Variants in TNFAIP8 observed in about 807,000 individuals in gnomAD.
The protein encoded by TNFAIP8 is tumor necrosis factor alpha-induced protein 8.
In TNFAIP8, 7 loss-of-function variants were observed where a neutral mutation model predicts 13.3. The ratio of observed to expected loss-of-function variants is 0.52; its 90% confidence interval spans 0.30 to 0.99. TNFAIP8 has a LOEUF of 0.99. Among genes scored for constraint, TNFAIP8 ranks in the 50% least tolerant of loss-of-function variants. The probability of loss-of-function intolerance (pLI) is 0.07; values close to 1 mark genes in which losing one functional copy is unlikely to be tolerated. For missense variants in TNFAIP8, 258 were observed against 236.9 expected (o/e 1.09, Z -0.58); for synonymous variants, 94 against 87.6 (o/e 1.07, Z -0.41).
intron 1 of TNFAIP8, among the ~76,000 whole-genome samples, chr5:119,323,027 G>C (rs190520579): frequency 2.9e-4 from 44 of 152,228 alleles, no homozygotes; most frequent in African/African-American, 1.1e-3. Context: ...TTACCCCTAT[G>C]CCCAATCAGT....
At chr5:119,335,298 G>A (rs544361582) in intron 1 of TNFAIP8, among the ~76,000 whole-genome samples, 13 of 152,186 alleles carry the variant, frequency 8.5e-5, no homozygotes, top group African/African-American at 2.7e-4. Flanking sequence ...GAACGAGAGA[G>A]AGGAGGTGAG....
At chr5:119,327,393 A>C (rs1477793483) in intron 1 of TNFAIP8, among the ~76,000 whole-genome samples, 1 of 152,180 alleles carries the variant, frequency 6.6e-6, no homozygotes, top group Non-Finnish European at 1.5e-5. Context: ...TCAAAAGGAA[A>C]ATACTCAAGA....
At chr5:119,351,485 A>T (rs1751141594), upstream of TNFAIP8, among the ~76,000 whole-genome samples, 1 of 152,222 alleles carries the variant, frequency 6.6e-6, no homozygotes, top group East Asian at 1.9e-4. Context: ...GTACTAGATA[A>T]TTTAGCCTAA....
chr5:119,362,851 G>T (rs1383794889), intron 1 of TNFAIP8, among the ~76,000 whole-genome samples: 2 of 152,044 alleles, frequency 1.3e-5, no homozygotes, highest in African/African-American at 2.4e-5. Context: ...GAGGGCAGAT[G>T]CAAAGTAGTG....
rs543474224 is a variant in TNFAIP8 at position 119,297,789 on chromosome 5, C to T, written c.1+28882C>T. Among the ~76,000 whole-genome samples the T allele has an allele frequency of 1.4e-4, 22 of 152,238 alleles. No individual in the cohort carries two copies. The South Asian group carries it at 4.6e-3, about 32-fold the overall frequency. ...GACTTGCTTTATGAATGTGGGTGCT[C>T]CTGTATTGGGCACATATATATTTAG... On this transcript the variant is annotated intron_variant, in intron 1 of 1. Transcript: ENST00000274456.
In TNFAIP8 at chr5:119,394,900, C is replaced by T. The variant is rs78350290; in HGVS notation, c.*1519C>T. 8,287 of 152,090 alleles carry T rather than the reference C, an allele frequency of 0.054. 829 individuals are homozygous for T. The highest frequency in any genetic ancestry group is 0.46 in the East Asian group (2,370 of 5,164). The allele number at this position is 152,090 out of a possible 1,614,324, so 9.4% of individuals were successfully genotyped here. A position where few individuals can be genotyped will look rare whatever the true frequency, so the allele number is the denominator to read the frequency against. On this transcript the variant is annotated 3_prime_UTR_variant, in exon 2 of 2. Transcript: ENST00000504771. ...GGGATTACAGGTGTGAGCCACTGTG[C>T]CTATGATTTAGTGTACTCTCTTGCC...
At position 119,393,776 on chromosome 5, in the gene TNFAIP8, T is replaced by G. The variant is rs561179609; in HGVS notation, c.*395T>G. 1 of 164,816 alleles carries G rather than the reference T, an allele frequency of 6.1e-6. No homozygotes were observed. Among genetic ancestry groups the G allele is most frequent in the African/African-American group, 2.4e-5 (1 of 41,774 alleles). 10.2% of individuals were successfully genotyped at this position (164,816 alleles called of 1,614,324 possible). A position where few individuals can be genotyped will look rare whatever the true frequency, so the allele number is the denominator to read the frequency against. On this transcript the variant is annotated 3_prime_UTR_variant, in exon 2 of 2. Transcript: ENST00000504771. ...ATTTACTTTCATTTCTTGCTATGTA[T>G]ATGTACTTTTCTTAAAATGCCAAGA...
At chr5:119,356,975 C>G (rs545405130) in intron 1 of TNFAIP8, among the ~76,000 whole-genome samples, 40 of 152,292 alleles carry the variant, frequency 2.6e-4, no homozygotes, top group Non-Finnish European at 4.6e-4. Flanking sequence ...TTGTGAAATA[C>G]TCTTTCTTTT....
At chr5:119,298,740 A>G (rs999398106) in intron 1 of TNFAIP8, among the ~76,000 whole-genome samples, 5 of 152,042 alleles carry the variant, frequency 3.3e-5, no homozygotes, top group South Asian at 2.1e-4. Context: ...ACTTTCAGGT[A>G]CACCAATCTG....
chr5:119,296,746 C>T (rs1749189819), intron 1 of TNFAIP8, among the ~76,000 whole-genome samples: 1 of 152,010 alleles, frequency 6.6e-6, no homozygotes, highest in South Asian at 2.1e-4. Flanking sequence ...GCTGTGAATC[C>T]ATCTGGTCCT....
intron 1 of TNFAIP8, among the ~76,000 whole-genome samples, chr5:119,303,078 G>A (rs1749444895): frequency 6.6e-6 from 1 of 152,076 alleles, no homozygotes; most frequent in African/African-American, 2.4e-5. Context: ...TGTGCCTAGT[G>A]CCCTGAAAAA....
At chr5:119,299,382 A>T (rs138720086) in intron 1 of TNFAIP8, among the ~76,000 whole-genome samples, 21,846 of 152,070 alleles carry the variant, frequency 0.14, 3,912 homozygotes, top group African/African-American at 0.42. Flanking sequence ...CTCCAGACCC[A>T]GTTTGCCTGG....
At chr5:119,271,681 A>G (rs544157197) in intron 1 of TNFAIP8, among the ~76,000 whole-genome samples, 20 of 152,296 alleles carry the variant, frequency 1.3e-4, no homozygotes, top group African/African-American at 3.8e-4. Flanking sequence ...CACAGGGGCC[A>G]ATCTGGATAA....
chr5:119,358,227 A>C (rs1296472663), intron 1 of TNFAIP8, among the ~76,000 whole-genome samples: 1 of 151,986 alleles, frequency 6.6e-6, no homozygotes, highest in South Asian at 2.1e-4. Flanking sequence ...ACGCTGTAAG[A>C]GGAGATACTT....
chr5:119,269,766 ACT>A (rs1748216809), intron 1 of TNFAIP8, among the ~76,000 whole-genome samples: 7 of 152,288 alleles, frequency 4.6e-5, no homozygotes, highest in Admixed American at 3.3e-4. Context: ...ATTGCTTAAG[ACT>A]GATAATTCCA....
chr5:119,281,249 A>G (rs1383689419), intron 1 of TNFAIP8, among the ~76,000 whole-genome samples: 1 of 123,142 alleles, frequency 8.1e-6, no homozygotes, highest in Non-Finnish European at 1.8e-5. Flanking sequence ...TAGTATTTAT[A>G]GGCCTTTCCT....
intron 1 of TNFAIP8, among the ~76,000 whole-genome samples, chr5:119,296,032 A>G (rs1257550186): frequency 1.3e-5 from 2 of 150,168 alleles, no homozygotes; most frequent in Non-Finnish European, 3.0e-5. Context: ...TTGGGCTGAG[A>G]CAATGGGGTT....
chr5:119,270,179 G>A (rs1748235874), intron 1 of TNFAIP8, among the ~76,000 whole-genome samples: 1 of 152,228 alleles, frequency 6.6e-6, no homozygotes, highest in East Asian at 1.9e-4. Flanking sequence ...CACATGAAAG[G>A]TAAGAGTTGA....
chr5:119,291,183 T>A (rs917342003), intron 1 of TNFAIP8, among the ~76,000 whole-genome samples: 9 of 152,244 alleles, frequency 5.9e-5, no homozygotes, highest in Non-Finnish European at 1.3e-4. Flanking sequence ...TATTTAACTT[T>A]TCGTGTATTT....
Sources: allele counts gnomAD v4.1 joint callset (sites outside exome capture counted in the v4.1 genomes callset), GRCh38; gene constraint gnomAD v4.1.1; transcripts MANE v1.5; gene names NCBI Gene and HGNC (gene_info 2026-07-23, HGNC 2026-07-21).